Variants in ZNF841 observed in about 807,000 individuals in gnomAD.
ZNF841 encodes TCONS_00006091.
Under a neutral mutation model 13.0 loss-of-function variants are expected in ZNF841, and 11 were observed. That is an observed-to-expected ratio of 0.85 (90% CI 0.53 to 1.40). The LOEUF is 1.40. Among genes scored for constraint, ZNF841 ranks in the 40% most tolerant of loss-of-function variants. ZNF841 has a pLI of 0.00. For synonymous variants in ZNF841, 369 were observed against 381.6 expected (o/e 0.97, Z 0.38); for missense variants, 1,068 against 1,139.5 (o/e 0.94, Z 0.90).
chr19:52,084,326 T>C (rs955241713), intron 4 of ZNF841, among the ~76,000 whole-genome samples: 8 of 152,226 alleles, frequency 5.3e-5, no homozygotes, highest in Non-Finnish European at 1.2e-4. Context: ...TGATTCATTA[T>C]AGCTTCAAAT....
intron 4 of ZNF841, among the ~76,000 whole-genome samples, chr19:52,081,160 T>C (rs945704307): frequency 6.6e-6 from 1 of 152,338 alleles, no homozygotes; most frequent in South Asian, 2.1e-4. Context: ...AGTATTTGCA[T>C]ATAACCTACC....
In ZNF841 at chr19:52,065,442, T is replaced by C. The variant is rs1905504365; in HGVS notation, c.2440A>G (p.Met814Val). The C allele has an allele frequency of 1.2e-6, 2 of 1,614,040 alleles. No individual in the cohort carries two copies. The highest frequency in any genetic ancestry group is 1.1e-5 in the South Asian group (1 of 91,076). ...VRSILLNHQM[M>V]HTGEKPYKCN... Reference sequence around the variant, plus strand: ...TTATAAGGTTTCTCTCCAGTATGCATCATCTGATGATTAAGCAGAATTGAA... The same window carrying C: ...TTATAAGGTTTCTCTCCAGTATGCACCATCTGATGATTAAGCAGAATTGAA... The change falls in exon 7 of 7, where the codon ATG becomes GTG. Residue 814 changes from methionine to valine, a missense_variant. Coordinates refer to ENST00000594440, the MANE Select transcript of ZNF841 (RefSeq NM_001136499.2).
At chr19:52,087,114 A>G (rs1333161019) in intron 3 of ZNF841, among the ~76,000 whole-genome samples, 1 of 152,248 alleles carries the variant, frequency 6.6e-6, no homozygotes, top group Non-Finnish European at 1.5e-5. Flanking sequence ...CACCACCATC[A>G]GTAAACACTG....
chr19:52,079,117 T>C (rs1328337901), intron 4 of ZNF841, among the ~76,000 whole-genome samples: 2 of 151,952 alleles, frequency 1.3e-5, no homozygotes, highest in African/African-American at 4.8e-5. Flanking sequence ...ACTTATTCAA[T>C]ACTAGGCTGG....
intron 3 of ZNF841, among the ~76,000 whole-genome samples, chr19:52,088,039 CAAAA>C (rs201567770): frequency 0.091 from 11,061 of 121,460 alleles, 1,368 homozygotes; most frequent in African/African-American, 0.29. Flanking sequence ...CAAAATACTC[CAAAA>C]AAAAAAAAAA....
intron 4 of ZNF841, among the ~76,000 whole-genome samples, chr19:52,083,957 T>A (rs2088187967): frequency 1.3e-5 from 2 of 151,912 alleles, no homozygotes; most frequent in Admixed American, 1.3e-4. Flanking sequence ...CTGCTTGGAC[T>A]TTTACCACAA....
intron 3 of ZNF841, among the ~76,000 whole-genome samples, chr19:52,086,126 T>C (rs1243861743): frequency 6.6e-6 from 1 of 151,612 alleles, no homozygotes; most frequent in Non-Finnish European, 1.5e-5. Flanking sequence ...AATTCTAGAG[T>C]TCAGGGGACA....
At position 52,067,573 on chromosome 19, in the gene ZNF841, T is replaced by A; in HGVS notation, c.309A>T (p.Pro103=). 1 of 1,561,952 alleles carries A rather than the reference T, an allele frequency of 6.4e-7. No individual in the cohort carries two copies. Among genetic ancestry groups the A allele is most frequent in the Non-Finnish European group, 8.6e-7 (1 of 1,158,574 alleles). ...TTTCTCCTGTGTTACTGTTCTGTAT[T>A]GGTGGTAATTCCTTGATCACACATT... ...SPKCVIKELP[P]IQNSNTGEKF... is the part of the protein sequence containing the mutation. The change falls in exon 7 of 7, where the codon CCA becomes CCT. Residue 103 remains proline (P), a synonymous_variant. Transcript: ENST00000594440.
chr19:52,095,626 G>T lies in ZNF841; in HGVS notation c.-321C>A, dbSNP rs2088644409. On this transcript the variant is annotated 5_prime_UTR_variant, in exon 1 of 7. Coordinates refer to ENST00000594440, the MANE Select transcript of ZNF841 (RefSeq NM_001136499.2). ...TTTTAAGGTCCGTAGCGATCCCCAG[G>T]TCACGGGTATGGAGAACCGAGGACT... 2 of 152,336 alleles carry T rather than the reference G, an allele frequency of 1.3e-5. No homozygotes were observed. The highest frequency in any genetic ancestry group is 1.3e-4 in the Admixed American group (2 of 15,280). The allele number at this position is 152,336 out of a possible 1,614,324, so 9.4% of individuals were successfully genotyped here.
At chr19:52,083,362 C>T (rs2088160728) in intron 4 of ZNF841, among the ~76,000 whole-genome samples, 1 of 150,980 alleles carries the variant, frequency 6.6e-6, no homozygotes, top group African/African-American at 2.4e-5. Context: ...TGGCAAGATT[C>T]CCCACTACCC....
At position 52,066,414 on chromosome 19, in the gene ZNF841, A is replaced by G. The variant is rs773112960; in HGVS notation, c.1468T>C (p.Cys490Arg). 4 of 1,614,012 alleles carry G rather than the reference A, an allele frequency of 2.5e-6. No individual in the cohort carries two copies. Among genetic ancestry groups the G allele is most frequent in the Admixed American group, 3.3e-5 (2 of 60,000 alleles). Reference sequence around the variant, plus strand: ...GAATGTTGACTGAAGACCTTGCCACATTCATTACATTTGTAGGGTTTCTCT... The same window carrying G: ...GAATGTTGACTGAAGACCTTGCCACGTTCATTACATTTGTAGGGTTTCTCT... ...TGEKPYKCNE[C>R]GKVFSQHSHL... The change falls in exon 7 of 7, where the codon TGT becomes CGT. Residue 490 changes from cysteine (C) to arginine (R), a missense_variant. Coordinates refer to ENST00000594440, the MANE Select transcript of ZNF841 (RefSeq NM_001136499.2).
At chr19:52,070,462 G>A (rs2087707599) in intron 6 of ZNF841, among the ~76,000 whole-genome samples, 1 of 152,170 alleles carries the variant, frequency 6.6e-6, no homozygotes, top group East Asian at 1.9e-4. Flanking sequence ...GGTCAGCTGC[G>A]CAGTCCAGAG....
At chr19:52,080,439 C>G (rs56244227) in intron 4 of ZNF841, among the ~76,000 whole-genome samples, 71,159 of 151,988 alleles carry the variant, frequency 0.47, 18,921 homozygotes, top group African/African-American at 0.72. Flanking sequence ...CTGCCATGCA[C>G]TGGGGTAACA....
At chr19:52,082,855 C>T (rs1342378267) in intron 4 of ZNF841, among the ~76,000 whole-genome samples, 3 of 151,910 alleles carry the variant, frequency 2.0e-5, no homozygotes, top group East Asian at 1.9e-4. Context: ...CTGAGGCAGG[C>T]GGATCACTAG....
downstream of ZNF841, among the ~76,000 whole-genome samples, chr19:52,060,063 A>G (rs1190481938): frequency 6.6e-6 from 1 of 152,184 alleles, no homozygotes; most frequent in Non-Finnish European, 1.5e-5. Flanking sequence ...TATCTGGGCC[A>G]CTGCTTGGGC....
rs1362573998 is a variant in ZNF841, at chr19:52,067,558, G to A, written c.324C>T (p.Asn108=). 3.1e-6 allele frequency: 5 copies of A among 1,597,102 alleles called. No homozygotes were observed. In the African/African-American group the frequency reaches 4.1e-5, roughly 13 times the overall value. ...IKELPPIQNS[N]TGEKFQAVML... The stretch of plus-strand genomic sequence containing the variant: ...TCACTGCTTGGAATTTTTCTCCTGT[G>A]TTACTGTTCTGTATTGGTGGTAATT... The change falls in exon 7 of 7, where the codon AAC becomes AAT. Residue 108 remains asparagine (N), a synonymous_variant. Coordinates refer to ENST00000594440, the MANE Select transcript of ZNF841 (RefSeq NM_001136499.2).
chr19:52,078,211 T>C (rs7253973), intron 4 of ZNF841, among the ~76,000 whole-genome samples: 23,836 of 151,834 alleles, frequency 0.16, 2,183 homozygotes, highest in South Asian at 0.3. Context: ...TACTTGAACC[T>C]GGGAGGTGGA....
Position 52,076,980 on chromosome 19 carries a change from G to A in ZNF841, c.120C>T (p.Asn40=). Residue 40 remains asparagine (N), a synonymous_variant, in exon 5 of 7, where the codon AAC becomes AAT. Transcript: ENST00000594440. ...KALYRDVMLE[N]YRNLGFLGLC... Reference sequence around the variant, plus strand: ...CACCCAGGAAGCCGAGGTTCCTGTAGTTCTCCAACATCACGTCCCTGTACA... The same window carrying A: ...CACCCAGGAAGCCGAGGTTCCTGTAATTCTCCAACATCACGTCCCTGTACA... 1 of 1,613,218 alleles carries A rather than the reference G, an allele frequency of 6.2e-7. No homozygotes were observed. Among genetic ancestry groups the A allele is most frequent in the Non-Finnish European group, 8.5e-7 (1 of 1,179,428 alleles).
intron 1 of ZNF841, 133 bp from the exon 2 acceptor site, chr19:52,094,104 C>T (rs2088594842): frequency 6.6e-6 from 1 of 152,178 alleles, no homozygotes; most frequent in African/African-American, 2.4e-5. Flanking sequence ...ATGCTCTACT[C>T]CATCATTGGG....
Sources: allele counts gnomAD v4.1 joint callset (sites outside exome capture counted in the v4.1 genomes callset), GRCh38; gene constraint gnomAD v4.1.1; transcripts MANE v1.5; gene names NCBI Gene and HGNC (gene_info 2026-07-23, HGNC 2026-07-21).